Variants in AUTS2 observed in about 807,000 individuals in gnomAD.
The protein encoded by AUTS2 is autism susceptibility gene 2 protein.
In AUTS2, 17 loss-of-function variants were observed where a neutral mutation model predicts 112.4. The observed-to-expected ratio is 0.15, with a 90% confidence interval of 0.10 to 0.23. The LOEUF is 0.23. AUTS2 is among the 10% of genes least tolerant of loss of function. The pLI, the probability that AUTS2 is intolerant of heterozygous loss-of-function variation, is 1.00. For synonymous variants in AUTS2, 751 were observed against 702.7 expected, an observed-to-expected ratio of 1.07 and a Z score of -1.09; for missense variants, 1,510 against 1,701.6, an observed-to-expected ratio of 0.89 and a Z score of 1.98.
chr7:70,598,574 T>A (rs140361156), intron 5 of AUTS2, among the ~76,000 whole-genome samples: 20 of 152,294 alleles, frequency 1.3e-4, no homozygotes, highest in Non-Finnish European at 2.5e-4. Context: ...GACTGTGAGC[T>A]GTTGTAATAG....
chr7:70,657,453 C>G (rs1228701955), intron 5 of AUTS2, among the ~76,000 whole-genome samples: 1 of 151,976 alleles, frequency 6.6e-6, no homozygotes, highest in Non-Finnish European at 1.5e-5. Context: ...GCAAGGCAGG[C>G]CTGAAAAACA....
At chr7:70,192,129 T>G (rs1809932698) in intron 4 of AUTS2, among the ~76,000 whole-genome samples, 1 of 152,206 alleles carries the variant, frequency 6.6e-6, no homozygotes, top group South Asian at 2.1e-4. Flanking sequence ...ATGGGACCAG[T>G]AATACCTTCT....
intron 2 of AUTS2, among the ~76,000 whole-genome samples, chr7:70,096,901 A>T (rs1804236530): frequency 6.6e-6 from 1 of 152,236 alleles, no homozygotes; most frequent in Non-Finnish European, 1.5e-5. Flanking sequence ...CAGTGTCAGC[A>T]TGCATGCATG....
intron 1 of AUTS2, among the ~76,000 whole-genome samples, chr7:69,612,810 T>C (rs1024946127): frequency 1.3e-5 from 2 of 152,220 alleles, no homozygotes; most frequent in Admixed American, 6.5e-5. Flanking sequence ...ATGTAACCCC[T>C]GCACTCTTTC....
At chr7:70,341,062 ATACTGTATAATGTT>A (rs1185501849) in intron 4 of AUTS2, among the ~76,000 whole-genome samples, 11 of 152,156 alleles carry the variant, frequency 7.2e-5, no homozygotes, top group African/African-American at 2.7e-4. Flanking sequence ...ATGTTTATGT[ATACTGTATAATGTT>A]TACTGTATAA....
intron 4 of AUTS2, among the ~76,000 whole-genome samples, chr7:70,261,267 G>A (rs1162072805): frequency 3.9e-5 from 6 of 152,150 alleles, no homozygotes; most frequent in Non-Finnish European, 8.8e-5. Flanking sequence ...TTAAATTCTA[G>A]AACCAACAAA....
At chr7:69,760,035 T>C (rs890566555) in intron 1 of AUTS2, among the ~76,000 whole-genome samples, 82 of 151,950 alleles carry the variant, frequency 5.4e-4, no homozygotes, top group African/African-American at 1.9e-3. Flanking sequence ...ACCATTTTTT[T>C]CCACGAACTT....
At chr7:70,053,867 T>A (rs1207690364) in intron 2 of AUTS2, among the ~76,000 whole-genome samples, 3 of 152,082 alleles carry the variant, frequency 2.0e-5, no homozygotes, top group Non-Finnish European at 4.4e-5. Flanking sequence ...TTTTGAATAA[T>A]CAGAAGCTGA....
chr7:70,014,555 C>T (rs1799945181), intron 2 of AUTS2, among the ~76,000 whole-genome samples: 1 of 152,186 alleles, frequency 6.6e-6, no homozygotes, highest in Non-Finnish European at 1.5e-5. Flanking sequence ...TTTGCCCTTC[C>T]TCTAAAGGCT....
intron 5 of AUTS2, among the ~76,000 whole-genome samples, chr7:70,645,563 C>T (rs1397026041): frequency 1.3e-5 from 2 of 152,098 alleles, no homozygotes; most frequent in African/African-American, 2.4e-5. Flanking sequence ...ATAGAGTTTT[C>T]TGGCCGCTCT....
intron 4 of AUTS2, among the ~76,000 whole-genome samples, chr7:70,146,818 T>C (rs1423499197): frequency 6.6e-6 from 1 of 152,212 alleles, no homozygotes; most frequent in Non-Finnish European, 1.5e-5. Flanking sequence ...CTTATCTATG[T>C]ACACAGCTCA....
intron 6 of AUTS2, among the ~76,000 whole-genome samples, chr7:70,754,231 C>CTA (rs1789045466): frequency 6.6e-6 from 1 of 151,894 alleles, no homozygotes. Flanking sequence ...TGGCTCACAC[C>CTA]TATAATCCCA....
intron 5 of AUTS2, among the ~76,000 whole-genome samples, chr7:70,626,517 T>G (rs1386982090): frequency 6.6e-6 from 1 of 152,050 alleles, no homozygotes; most frequent in African/African-American, 2.4e-5. Context: ...TTTTAAAAAA[T>G]TTCCACTTTT....
intron 2 of AUTS2, among the ~76,000 whole-genome samples, chr7:69,960,354 A>C (rs981757318): frequency 6.6e-5 from 10 of 152,176 alleles, no homozygotes; most frequent in Non-Finnish European, 1.3e-4. Context: ...ACCATAATTG[A>C]TGCACCAAAC....
chr7:69,797,291 G>T (rs966600872), intron 1 of AUTS2, among the ~76,000 whole-genome samples: 1 of 152,004 alleles, frequency 6.6e-6, no homozygotes, highest in South Asian at 2.1e-4. Context: ...GACATGTTCC[G>T]TTTTCAGCTC....
intron 1 of AUTS2, among the ~76,000 whole-genome samples, chr7:69,830,359 G>A (rs1232667776): frequency 6.6e-6 from 1 of 152,006 alleles, no homozygotes; most frequent in Non-Finnish European, 1.5e-5. Context: ...TGATTACATA[G>A]GTATACCTGT....
At chr7:70,114,804 A>G (rs935919858) in intron 2 of AUTS2, among the ~76,000 whole-genome samples, 4 of 147,250 alleles carry the variant, frequency 2.7e-5, no homozygotes, top group Non-Finnish European at 6.0e-5. Context: ...TCCGTCTCAG[A>G]AAAAAAAAAA....
chr7:70,741,341 A>G (rs1293738283), intron 6 of AUTS2, among the ~76,000 whole-genome samples: 1 of 151,980 alleles, frequency 6.6e-6, no homozygotes, highest in Non-Finnish European at 1.5e-5. Flanking sequence ...TGACAGAAAA[A>G]AAAAAAACAG....
chr7:69,668,850 A>G (rs1185187825), intron 1 of AUTS2, among the ~76,000 whole-genome samples: 1 of 152,194 alleles, frequency 6.6e-6, no homozygotes, highest in Non-Finnish European at 1.5e-5. Flanking sequence ...TCCTTCACAT[A>G]AGAACAGCAT....
Sources: gnomAD v4.1 joint callset for allele counts (sites outside exome capture counted in the v4.1 genomes callset) on GRCh38, gnomAD v4.1.1 for gene constraint, MANE v1.5 for transcripts, NCBI Gene and HGNC (gene_info 2026-07-23, HGNC 2026-07-21) for gene names.